Variants in NAV2 observed in about 807,000 individuals in gnomAD.
NAV2 encodes the protein helicase, APC down-regulated 1.
A neutral mutation model predicts 223.2 loss-of-function variants in NAV2; 54 were observed. The observed-to-expected ratio is 0.24, with a 90% CI of 0.19 to 0.30. The LOEUF (loss-of-function observed/expected upper bound fraction) is 0.30, where lower values mean the gene tolerates loss of function less well. NAV2 is among the 10% of genes least tolerant of loss of function. The pLI, the probability that NAV2 is intolerant of heterozygous loss-of-function variation, is 1.00. For missense variants in NAV2, 2,806 were observed against 3,147.5 expected, an observed-to-expected ratio of 0.89 and a Z score of 2.60; for synonymous variants, 1,279 against 1,239.3, an observed-to-expected ratio of 1.03 and a Z score of -0.67.
intron 1 of NAV2, among the ~76,000 whole-genome samples, chr11:19,543,177 C>T (rs1363633765): frequency 6.6e-6 from 1 of 152,290 alleles, no homozygotes; most frequent in Non-Finnish European, 1.5e-5. Flanking sequence ...CTGCCATTTC[C>T]GATATGGGTG....
intron 1 of NAV2, among the ~76,000 whole-genome samples, chr11:19,732,697 G>A (rs1020194992): frequency 6.6e-6 from 1 of 152,154 alleles, no homozygotes; most frequent in African/African-American, 2.4e-5. Flanking sequence ...AATTCCCTGG[G>A]GACTAGCTGG....
At chr11:19,402,001 T>G (rs1446693824) in intron 1 of NAV2, 3 of 152,220 alleles carry the variant, frequency 2.0e-5, no homozygotes, top group Admixed American at 6.5e-5. Flanking sequence ...CACAAATTTC[T>G]TCATGTGATT....
upstream of NAV2, among the ~76,000 whole-genome samples, chr11:19,349,138 C>T (rs916630177): frequency 1.8e-4 from 28 of 152,220 alleles, 1 homozygote; most frequent in Non-Finnish European, 2.9e-5. Flanking sequence ...ACAAGATAAC[C>T]TTCTGAACAT....
chr11:19,670,418 G>C (rs761622225), intron 1 of NAV2, among the ~76,000 whole-genome samples: 3 of 152,210 alleles, frequency 2.0e-5, no homozygotes, highest in Non-Finnish European at 2.9e-5. Flanking sequence ...TTTACAAACA[G>C]TACAGGCTCA....
In NAV2 at chr11:20,077,975, A is replaced by AT. The variant is rs2059866366; in HGVS notation, c.5068-12dup. The stretch of plus-strand genomic sequence containing the variant: ...CAGAATGATTTTAGGCTGACCAATA[A>AT]TTTTTTCTGTTCCCTAGGACTCAGA... On this transcript the variant is annotated splice_polypyrimidine_tract_variant and intron_variant, in intron 23 of 37. Transcript: ENST00000349880. The AT allele has an allele frequency of 1.3e-6, 2 of 1,592,482 alleles. No homozygotes were observed. Among genetic ancestry groups the AT allele is most frequent in the Non-Finnish European group, 1.7e-6 (2 of 1,161,152 alleles).
chr11:19,915,727 C>T (rs563185583), intron 6 of NAV2, among the ~76,000 whole-genome samples: 52 of 152,306 alleles, frequency 3.4e-4, no homozygotes, highest in African/African-American at 1.2e-3. Flanking sequence ...TCTAGTTGTC[C>T]TCCCCAGGTT....
intron 1 of NAV2, among the ~76,000 whole-genome samples, chr11:19,562,716 G>C (rs1221251230): frequency 3.3e-5 from 5 of 152,138 alleles, no homozygotes; most frequent in Non-Finnish European, 1.5e-5. Flanking sequence ...CCCTGTGCTG[G>C]TGTGGATTTA....
At chr11:20,071,014 G>A (rs565496696) in intron 22 of NAV2, among the ~76,000 whole-genome samples, 5 of 151,956 alleles carry the variant, frequency 3.3e-5, no homozygotes, top group African/African-American at 7.2e-5. Context: ...GTGCAGGTTC[G>A]TTACGTACGT....
intron 1 of NAV2, among the ~76,000 whole-genome samples, chr11:19,558,297 G>A (rs80054292): frequency 1.3e-5 from 2 of 152,310 alleles, no homozygotes; most frequent in East Asian, 1.9e-4. Flanking sequence ...TTCCTCATGT[G>A]ATGTTGGCTG....
At chr11:19,660,361 T>C (rs1410164488) in intron 1 of NAV2, among the ~76,000 whole-genome samples, 11 of 152,292 alleles carry the variant, frequency 7.2e-5, no homozygotes, top group Non-Finnish European at 1.6e-4. Flanking sequence ...TGACTCAGGA[T>C]GAGTCATCAC....
In NAV2 at chr11:19,892,680, T is replaced by C. The variant is rs1288769822; in HGVS notation, c.931+86T>C. Reference sequence around the variant, plus strand: ...CCTTCGGGTGAATTGGGTTGGGTCATGGGGAGGGGTTGCATCTGTGTTGAG... The same window carrying C: ...CCTTCGGGTGAATTGGGTTGGGTCACGGGGAGGGGTTGCATCTGTGTTGAG... On this transcript the variant is annotated intron_variant, in intron 6 of 37. Coordinates refer to ENST00000349880, the MANE Select transcript of NAV2 (RefSeq NM_145117.5). The C allele has an allele frequency of 4.9e-6, 7 of 1,426,828 alleles. No individual in the cohort carries two copies. In the East Asian group the frequency reaches 7.2e-5, roughly 15 times the overall value. 88.4% of individuals were successfully genotyped at this position (1,426,828 alleles called of 1,614,324 possible).
chr11:20,067,248 A>C (rs2059107020), intron 20 of NAV2, among the ~76,000 whole-genome samples: 1 of 152,070 alleles, frequency 6.6e-6, no homozygotes, highest in Non-Finnish European at 1.5e-5. Context: ...AGGGGCTCCC[A>C]AACCCCCCTC....
At chr11:19,793,798 C>T (rs1181903047) in intron 1 of NAV2, among the ~76,000 whole-genome samples, 1 of 152,222 alleles carries the variant, frequency 6.6e-6, no homozygotes, top group East Asian at 1.9e-4. Context: ...CTGATATCAT[C>T]TCAAGTTTCT....
intron 11 of NAV2, among the ~76,000 whole-genome samples, chr11:19,985,643 C>T (rs2153455994): frequency 6.6e-6 from 1 of 152,004 alleles, no homozygotes; most frequent in East Asian, 1.9e-4. Flanking sequence ...GTGGCATGAT[C>T]CTGGCTTACT....
intron 1 of NAV2, among the ~76,000 whole-genome samples, chr11:19,529,438 A>T (rs980160573): frequency 2.7e-5 from 4 of 150,180 alleles, no homozygotes; most frequent in South Asian, 2.1e-4. Context: ...CTCCTCTGGG[A>T]GGCCCCCCAA....
At chr11:19,499,910 A>G (rs1019714687) in intron 1 of NAV2, among the ~76,000 whole-genome samples, 3 of 152,152 alleles carry the variant, frequency 2.0e-5, no homozygotes, top group Admixed American at 6.5e-5. Flanking sequence ...TTTTAAATAA[A>G]GCAAATTTCC....
intron 4 of NAV2, among the ~76,000 whole-genome samples, chr11:19,873,023 G>C (rs1178433383): frequency 6.6e-6 from 1 of 152,204 alleles, no homozygotes; most frequent in East Asian, 1.9e-4. Flanking sequence ...AACTGCCCCT[G>C]TGAGGAAGGA....
chr11:19,781,225 A>G (rs947346716), intron 1 of NAV2, among the ~76,000 whole-genome samples: 1 of 152,220 alleles, frequency 6.6e-6, no homozygotes, highest in South Asian at 2.1e-4. Context: ...GAACTGCTGT[A>G]TCAGACACCC....
intron 10 of NAV2, among the ~76,000 whole-genome samples, chr11:19,968,078 G>A (rs914256393): frequency 2.0e-5 from 3 of 152,196 alleles, no homozygotes; most frequent in Non-Finnish European, 4.4e-5. Context: ...GTCCAGATAA[G>A]AGTATGAGGA....
Sources: gnomAD v4.1 joint callset for allele counts (sites outside exome capture counted in the v4.1 genomes callset) on GRCh38, gnomAD v4.1.1 for gene constraint, MANE v1.5 for transcripts, NCBI Gene and HGNC (gene_info 2026-07-23, HGNC 2026-07-21) for gene names.